The following WWOX variants were observed in gnomAD, a reference collection of about 807,000 sequenced individuals.
WWOX encodes the protein WW domain-containing oxidoreductase.
In WWOX, 69 loss-of-function variants were observed where a neutral mutation model predicts 46.2. The ratio of observed to expected loss-of-function variants is 1.49; its 90% CI spans 1.23 to 1.82. The LOEUF is 1.82. WWOX is among the 40% of genes most tolerant of loss of function. The probability of loss-of-function intolerance (pLI) is 0.00; values close to 1 mark genes in which losing one functional copy is unlikely to be tolerated. For synonymous variants in WWOX, 359 were observed against 202.6 expected (o/e 1.77, Z -6.56); for missense variants, 919 against 542.6 (o/e 1.69, Z -6.89).
chr16:78,470,932 G>A (rs1567592240), intron 8 of WWOX, among the ~76,000 whole-genome samples: 1 of 152,178 alleles, frequency 6.6e-6, no homozygotes, highest in Non-Finnish European at 1.5e-5. Flanking sequence ...AGCCTTCCTA[G>A]CAACTGAGGA....
At chr16:79,200,810 C>G (rs959817786) in intron 8 of WWOX, among the ~76,000 whole-genome samples, 1 of 152,134 alleles carries the variant, frequency 6.6e-6, no homozygotes, top group Middle Eastern at 3.2e-3. Flanking sequence ...GCTCAGTGGT[C>G]TGGCTAAAGG....
chr16:78,552,718 C>A (rs186182035), intron 8 of WWOX: 1 of 152,246 alleles, frequency 6.6e-6, no homozygotes, highest in African/African-American at 2.4e-5. Flanking sequence ...TTTTAAGTAA[C>A]TTATCATTTG....
intron 6 of WWOX, among the ~76,000 whole-genome samples, chr16:78,410,910 C>T (rs765270861): frequency 6.6e-6 from 1 of 151,982 alleles, no homozygotes; most frequent in African/African-American, 2.4e-5. Context: ...AGGTCACTTC[C>T]TCATGAGCAT....
intron 1 of WWOX, among the ~76,000 whole-genome samples, chr16:78,103,159 G>T (rs1462003109): frequency 1.3e-5 from 2 of 151,910 alleles, no homozygotes; most frequent in Non-Finnish European, 1.5e-5. Context: ...GGGGACTCGG[G>T]TGCATACATG....
intron 8 of WWOX, chr16:78,996,221 G>C (rs774869305): frequency 1.1e-5 from 11 of 984,928 alleles, no homozygotes; most frequent in Non-Finnish European, 1.2e-5. Context: ...AAGACTTGTG[G>C]ATAGAAGAAG....
chr16:79,020,409 G>A (rs56033560), intron 8 of WWOX, among the ~76,000 whole-genome samples: 2 of 152,040 alleles, frequency 1.3e-5, no homozygotes, highest in Non-Finnish European at 1.5e-5. Context: ...CACCATGAGC[G>A]ATAACTTAAC....
At chr16:79,085,587 C>A (rs762030484) in intron 8 of WWOX, among the ~76,000 whole-genome samples, 53 of 152,136 alleles carry the variant, frequency 3.5e-4, no homozygotes, top group Admixed American at 5.2e-4. Flanking sequence ...TACTCAAAGA[C>A]TGACAGGTAA....
At chr16:78,690,023 G>A (rs1369580836) in intron 8 of WWOX, among the ~76,000 whole-genome samples, 1 of 151,982 alleles carries the variant, frequency 6.6e-6, no homozygotes, top group Non-Finnish European at 1.5e-5. Flanking sequence ...CCCATGCCCA[G>A]CCAATTTTTG....
chr16:78,985,762 C>G (rs972504597), intron 8 of WWOX, among the ~76,000 whole-genome samples: 12 of 93,670 alleles, frequency 1.3e-4, no homozygotes, highest in African/African-American at 2.9e-4. Context: ...GAGTGAGACT[C>G]CATCTGAAAA....
intron 8 of WWOX, among the ~76,000 whole-genome samples, chr16:79,002,030 G>C (rs2047103010): frequency 6.6e-6 from 1 of 151,892 alleles, no homozygotes; most frequent in East Asian, 1.9e-4. Context: ...CACAAATCTG[G>C]GCAACTGGAA....
chr16:78,236,880 C>T (rs746733286), intron 5 of WWOX, among the ~76,000 whole-genome samples: 81 of 151,880 alleles, frequency 5.3e-4, no homozygotes, highest in Non-Finnish European at 9.3e-4. Flanking sequence ...TTGAAGACCA[C>T]CTTGATCAAT....
chr16:78,845,610 C>A (rs972745098), intron 8 of WWOX, among the ~76,000 whole-genome samples: 1 of 152,096 alleles, frequency 6.6e-6, no homozygotes, highest in Admixed American at 6.5e-5. Flanking sequence ...CGTAATAGTC[C>A]ATAATTTATA....
At chr16:78,633,276 C>CAA (rs1379441793) in intron 8 of WWOX, among the ~76,000 whole-genome samples, 1 of 151,950 alleles carries the variant, frequency 6.6e-6, no homozygotes. Flanking sequence ...CAAAACAAAA[C>CAA]AAAAAAACAA....
At chr16:78,454,988 C>T (rs972436030) in intron 8 of WWOX, among the ~76,000 whole-genome samples, 1 of 152,218 alleles carries the variant, frequency 6.6e-6, no homozygotes, top group African/African-American at 2.4e-5. Context: ...ATGTCAGGTA[C>T]TGACTTAAGG....
At chr16:78,205,991 T>C (rs2036382452) in intron 5 of WWOX, among the ~76,000 whole-genome samples, 1 of 151,852 alleles carries the variant, frequency 6.6e-6, no homozygotes, top group South Asian at 2.1e-4. Context: ...CCTCCCTTCC[T>C]CCCTTCCTGT....
chr16:78,261,568 A>G (rs1250304883), intron 5 of WWOX, among the ~76,000 whole-genome samples: 1 of 150,046 alleles, frequency 6.7e-6, no homozygotes, highest in Non-Finnish European at 1.5e-5. Flanking sequence ...GTATTTTTGC[A>G]TATATACCTG....
chr16:78,937,284 C>T (rs905015241), intron 8 of WWOX, among the ~76,000 whole-genome samples: 1 of 151,970 alleles, frequency 6.6e-6, no homozygotes, highest in Non-Finnish European at 1.5e-5. Flanking sequence ...AACTGTTTAC[C>T]CTGATTCTCC....
intron 8 of WWOX, among the ~76,000 whole-genome samples, chr16:79,088,276 A>C (rs1244885390): frequency 6.6e-6 from 1 of 152,140 alleles, no homozygotes; most frequent in Non-Finnish European, 1.5e-5. Context: ...TTTTAAGGTA[A>C]AGGGAGGACG....
intron 6 of WWOX, among the ~76,000 whole-genome samples, chr16:78,388,244 T>C (rs1369385739): frequency 6.6e-6 from 1 of 152,172 alleles, no homozygotes; most frequent in Non-Finnish European, 1.5e-5. Flanking sequence ...TTGGTCAGAC[T>C]GGTCTCAAAC....
Sources: gnomAD v4.1 joint callset for allele counts (sites outside exome capture counted in the v4.1 genomes callset) on GRCh38, gnomAD v4.1.1 for gene constraint, MANE v1.5 for transcripts, NCBI Gene and HGNC (gene_info 2026-07-23, HGNC 2026-07-21) for gene names.